Variants in ZNF609 observed in about 807,000 individuals in gnomAD.
ZNF609 encodes the protein zinc finger protein 609.
Under a neutral mutation model 109.5 loss-of-function variants are expected in ZNF609, and 11 were observed. That is an observed-to-expected ratio of 0.10 (90% confidence interval 0.06 to 0.17). The LOEUF (loss-of-function observed/expected upper bound fraction) is 0.17. ZNF609 is among the 10% of genes least tolerant of loss of function. The pLI is 1.00. For synonymous variants in ZNF609, 646 were observed against 662.0 expected, an observed-to-expected ratio of 0.98 and a Z score of 0.37; for missense variants, 1,559 against 1,772.4, an observed-to-expected ratio of 0.88 and a Z score of 2.16.
chr15:64,592,610 A>G (rs1032442437), intron 2 of ZNF609, among the ~76,000 whole-genome samples: 2 of 151,610 alleles, frequency 1.3e-5, no homozygotes, highest in Non-Finnish European at 2.9e-5. Flanking sequence ...CTGTTCAAGC[A>G]TTTAAAATTA....
intron 2 of ZNF609, among the ~76,000 whole-genome samples, chr15:64,618,406 G>A (rs980582521): frequency 6.6e-5 from 10 of 152,262 alleles, no homozygotes; most frequent in South Asian, 6.2e-4. Flanking sequence ...AAGCCCCAGT[G>A]GGTGTGTGTT....
intron 2 of ZNF609, among the ~76,000 whole-genome samples, chr15:64,618,725 A>C (rs976567979): frequency 6.6e-6 from 1 of 151,856 alleles, no homozygotes; most frequent in Non-Finnish European, 1.5e-5. Context: ...GGCATTTGTC[A>C]TGTGCTCTTC....
intron 2 of ZNF609, among the ~76,000 whole-genome samples, chr15:64,618,486 ACAAGAACAGAGGGCTTTCTGTATCC>A (rs1895833238): frequency 6.6e-6 from 1 of 152,128 alleles, no homozygotes; most frequent in African/African-American, 2.4e-5. Flanking sequence ...CTGCCTTATC[ACAAGAACAGAGGGCTTTCTGTATCC>A]CAAGGTTCTT....
chr15:64,603,398 A>C lies in ZNF609; in HGVS notation c.748-19429A>C, dbSNP rs994989649. Among the ~76,000 whole-genome samples, 19 of 151,570 alleles carry C rather than the reference A, an allele frequency of 1.3e-4. No homozygotes were observed. In the South Asian group the frequency reaches 1.9e-3, roughly 15 times the overall value. On this transcript the variant is annotated intron_variant, in intron 2 of 9. Coordinates refer to ENST00000326648, the MANE Select transcript of ZNF609 (RefSeq NM_015042.2). ...CAATTCTTCTGCCTCAGCCCCCAGA[A>C]GTAGCTGGGATTACAGGCTCCCACC...
intron 2 of ZNF609, among the ~76,000 whole-genome samples, chr15:64,542,047 G>T (rs1018028572): frequency 6.6e-6 from 1 of 151,974 alleles, no homozygotes; most frequent in Admixed American, 6.6e-5. Flanking sequence ...ATTCAGGGAG[G>T]CTGAAGCAGG....
At chr15:64,529,462 T>C (rs1567006429) in intron 2 of ZNF609, 3 of 1,007,860 alleles carry the variant, frequency 3.0e-6, no homozygotes, top group Non-Finnish European at 4.6e-6. Context: ...GGGGTTTCCA[T>C]TGATGACAAG....
chr15:64,640,941 A>T, intron 3 of ZNF609, among the ~76,000 whole-genome samples: 1 of 151,994 alleles, frequency 6.6e-6, no homozygotes, highest in East Asian at 1.9e-4. Flanking sequence ...CATCTTTCCC[A>T]TTTCTCCCAT....
chr15:64,525,669 A>G (rs898393812), intron 2 of ZNF609, among the ~76,000 whole-genome samples: 1 of 152,204 alleles, frequency 6.6e-6, no homozygotes, highest in Admixed American at 6.5e-5. Flanking sequence ...GAGTTCTGCA[A>G]TCTTAACAAT....
At chr15:64,650,518 G>C (rs1227134125) in intron 3 of ZNF609, among the ~76,000 whole-genome samples, 2 of 152,092 alleles carry the variant, frequency 1.3e-5, no homozygotes, top group East Asian at 3.8e-4. Flanking sequence ...TTTGTATGTG[G>C]AAGTCTTGGG....
chr15:64,542,105 G>A (rs534336076), intron 2 of ZNF609, among the ~76,000 whole-genome samples: 2 of 152,156 alleles, frequency 1.3e-5, no homozygotes, highest in African/African-American at 4.8e-5. Context: ...GCAACATAGG[G>A]AGACCCCCAT....
intron 2 of ZNF609, among the ~76,000 whole-genome samples, chr15:64,590,245 A>G (rs1895270108): frequency 6.6e-6 from 1 of 152,206 alleles, no homozygotes. Flanking sequence ...CTATTTTAAT[A>G]TTATCTATGA....
chr15:64,627,097 G>C (rs1895975376), intron 3 of ZNF609, among the ~76,000 whole-genome samples: 1 of 152,090 alleles, frequency 6.6e-6, no homozygotes, highest in Non-Finnish European at 1.5e-5. Context: ...GGCTGAGGCA[G>C]GGGAATCACT....
Position 64,605,902 on chromosome 15 carries a change from CTTTTTTTTTTTTT to C in ZNF609, c.748-16911_748-16899del, listed in dbSNP as rs10542161. 3.3e-4 allele frequency among the ~76,000 whole-genome samples: 23 copies of C among 70,694 alleles called. No individual in the cohort carries two copies. In the East Asian group the frequency reaches 5.2e-3, roughly 16 times the overall value. 46.4% of individuals were successfully genotyped at this position (70,694 alleles called of 152,430 possible). ...GCGCCTGCCACCACGCCCGGCTAAT[CTTTTTTTTTTTTT>C]TTTTTTTTTTTTTGTATTTTTAGTA... On this transcript the variant is annotated intron_variant, in intron 2 of 9. Coordinates refer to ENST00000326648, the MANE Select transcript of ZNF609 (RefSeq NM_015042.2).
At chr15:64,465,602 A>T (rs1893003400) in intron 1 of ZNF609, among the ~76,000 whole-genome samples, 1 of 151,714 alleles carries the variant, frequency 6.6e-6, no homozygotes, top group Non-Finnish European at 1.5e-5. Flanking sequence ...GCTGCTGTAG[A>T]GCTCCTGACC....
intron 1 of ZNF609, among the ~76,000 whole-genome samples, chr15:64,479,838 G>C (rs1027735376): frequency 6.6e-6 from 1 of 151,998 alleles, no homozygotes; most frequent in Non-Finnish European, 1.5e-5. Flanking sequence ...AGAATGGCTT[G>C]AACCCGGGAG....
rs145146891 is a variant in ZNF609, at chr15:64,635,458, G to T, written c.973+12406G>T. Among the ~76,000 whole-genome samples the T allele has an allele frequency of 4.6e-4, 70 of 152,124 alleles. No individual in the cohort carries two copies. The East Asian group carries it at 0.013, about 29-fold the overall frequency. ...GTTAATAAGGTCGTTTGACTATCTG[G>T]GCCTTAATTTCCTTATTTGTAAAAT... is the stretch of plus-strand genomic sequence containing the variant. On this transcript the variant is annotated intron_variant, in intron 3 of 9. Coordinates refer to ENST00000326648, the MANE Select transcript of ZNF609 (RefSeq NM_015042.2).
chr15:64,531,730 C>T (rs573999543), intron 2 of ZNF609, among the ~76,000 whole-genome samples: 3 of 152,108 alleles, frequency 2.0e-5, no homozygotes, highest in African/African-American at 4.8e-5. Flanking sequence ...CCTTGGAAAA[C>T]GCAATGTTGT....
intron 8 of ZNF609, 67 bp from the exon 9 acceptor site, chr15:64,681,242 C>T: frequency 1.3e-6 from 2 of 1,487,586 alleles, no homozygotes; most frequent in South Asian, 2.3e-5. Context: ...CACCCCAAAA[C>T]TCAGGGAAAA....
chr15:64,576,891 A>AATATATACATATATATGT (rs1371981102), intron 2 of ZNF609, among the ~76,000 whole-genome samples: 5 of 140,978 alleles, frequency 3.5e-5, no homozygotes, highest in South Asian at 2.2e-4. Flanking sequence ...TACACATATA[A>AATATATACATATATATGT]ATATATACAT....
Sources: allele counts gnomAD v4.1 joint callset (sites outside exome capture counted in the v4.1 genomes callset), GRCh38; gene constraint gnomAD v4.1.1; transcripts MANE v1.5; gene names NCBI Gene and HGNC (gene_info 2026-07-23, HGNC 2026-07-21).